The following LIMK1 variants were observed in gnomAD, a reference collection of about 807,000 sequenced individuals.
The protein encoded by LIMK1 is LIM domain kinase 1.
A neutral mutation model predicts 77.6 loss-of-function variants in LIMK1; 21 were observed. The observed-to-expected ratio is 0.27, with a 90% confidence interval of 0.19 to 0.39. The LOEUF is 0.39. Ranked by LOEUF, LIMK1 falls within the 10% of genes least tolerant of loss-of-function variation. The pLI is 1.00. For synonymous variants in LIMK1, 358 were observed against 370.0 expected (o/e 0.97, Z 0.37); for missense variants, 696 against 901.6 (o/e 0.77, Z 2.92).
chr7:74,119,227 G>A (rs1179314082), intron 13 of LIMK1, among the ~76,000 whole-genome samples: 1 of 141,362 alleles, frequency 7.1e-6, no homozygotes, highest in Non-Finnish European at 1.5e-5. Flanking sequence ...CACCCAGGCT[G>A]GAGTACAGTG....
intron 5 of LIMK1, among the ~76,000 whole-genome samples, chr7:74,101,039 A>C (rs1226923695): frequency 2.0e-5 from 3 of 146,686 alleles, no homozygotes; most frequent in Non-Finnish European, 4.4e-5. Context: ...GCCCGGCCCT[A>C]CCAAGTGCTA....
chr7:74,111,721 G>T lies in LIMK1; in HGVS notation c.1344+14G>T. On this transcript the variant is annotated intron_variant, in intron 11 of 15. Coordinates refer to ENST00000336180, the MANE Select transcript of LIMK1 (RefSeq NM_002314.4). ...GCATCAGGGATGGTGAGTGAGCCGG[G>T]TGCTCTAGCTCCATTCATAATCCCA... 1.9e-6 allele frequency: 3 copies of T among 1,610,678 alleles called. No homozygotes were observed.
chr7:74,107,657 G>C (rs1799603861), intron 8 of LIMK1, among the ~76,000 whole-genome samples: 1 of 148,466 alleles, frequency 6.7e-6, no homozygotes, highest in African/African-American at 2.5e-5. Context: ...TCCAGCCTGG[G>C]CAATAGAGCA....
intron 5 of LIMK1, among the ~76,000 whole-genome samples, chr7:74,101,708 G>A (rs1554696587): frequency 6.6e-6 from 1 of 151,994 alleles, no homozygotes; most frequent in Non-Finnish European, 1.5e-5. Context: ...GTATAGCAGC[G>A]TTTTAAGGAA....
At chr7:74,098,912 C>CAAAAA (rs34911416) in intron 4 of LIMK1, 120 bp from the exon 5 acceptor site, 2 of 586,348 alleles carry the variant, frequency 3.4e-6, no homozygotes, top group Non-Finnish European at 2.8e-6. Context: ...GACTCCATCT[C>CAAAAA]AAAAAAAAAA....
chr7:74,097,723 G>T lies in LIMK1; in HGVS notation c.401+534G>T, dbSNP rs1799364296. Among the ~76,000 whole-genome samples, 5 of 152,178 alleles carry T rather than the reference G, an allele frequency of 3.3e-5. No individual in the cohort carries two copies. In the South Asian group the frequency reaches 1.0e-3, roughly 31 times the overall value. ...AGCTTTCTTACTGGCCATGACTGCA[G>T]CATGGTGCTGGCACAAACCACCAGA... is the stretch of plus-strand genomic sequence containing the variant. On this transcript the variant is annotated intron_variant, in intron 4 of 15. Transcript: ENST00000336180.
chr7:74,111,336 G>A (rs1468718538), intron 10 of LIMK1: 2 of 360,154 alleles, frequency 5.6e-6, no homozygotes, highest in Non-Finnish European at 5.2e-6. Flanking sequence ...TACTCAGGAG[G>A]CTGAGACACA....
At chr7:74,087,979 C>A (rs1799163974) in intron 2 of LIMK1, among the ~76,000 whole-genome samples, 1 of 151,952 alleles carries the variant, frequency 6.6e-6, no homozygotes, top group Non-Finnish European at 1.5e-5. Flanking sequence ...GAGATCATAG[C>A]CCACTGTAGC....
At chr7:74,099,911 G>A (rs1799421178) in intron 5 of LIMK1, among the ~76,000 whole-genome samples, 1 of 148,926 alleles carries the variant, frequency 6.7e-6, no homozygotes, top group Non-Finnish European at 1.5e-5. Context: ...CTTAAGGCCA[G>A]AAGTTTGAGA....
intron 5 of LIMK1, among the ~76,000 whole-genome samples, chr7:74,101,801 C>CATATATATATATATATATAT (rs10552134): frequency 6.8e-6 from 1 of 146,114 alleles, no homozygotes; most frequent in African/African-American, 2.5e-5. Context: ...ATATGTATGT[C>CATATATATATATATATATAT]ATATATATAT....
chr7:74,114,992 G>A (rs1385528309), intron 12 of LIMK1, among the ~76,000 whole-genome samples: 1 of 151,880 alleles, frequency 6.6e-6, no homozygotes. Flanking sequence ...GAAAGGCTGA[G>A]GCAGGTGGAC....
chr7:74,116,869 TTTTTTTA>T lies in LIMK1; in HGVS notation c.1567+932_1567+938del, dbSNP rs1326435769. ...GGCATGCAACACCACACCCAGCTAA[TTTTTTTA>T]TTTTTTATTTTTTATTTTTTTTTGA... is the stretch of plus-strand genomic sequence containing the variant. On this transcript the variant is annotated intron_variant, in intron 13 of 15. Transcript: ENST00000336180. Among the ~76,000 whole-genome samples the T allele has an allele frequency of 3.8e-4, 58 of 151,804 alleles. No individual in the cohort carries two copies. In the Middle Eastern group the frequency reaches 0.034, roughly 90 times the overall value.
At chr7:74,095,316 G>A (rs1314919892) in intron 2 of LIMK1, among the ~76,000 whole-genome samples, 1 of 152,194 alleles carries the variant, frequency 6.6e-6, no homozygotes, top group Non-Finnish European at 1.5e-5. Context: ...TGTTCTCTGT[G>A]TGGGTCTGTA....
At chr7:74,108,432 G>A (rs1799626784) in intron 9 of LIMK1, among the ~76,000 whole-genome samples, 1 of 152,050 alleles carries the variant, frequency 6.6e-6, no homozygotes, top group Non-Finnish European at 1.5e-5. Flanking sequence ...ATCACCTGAG[G>A]TCAGGAGTTC....
chr7:74,119,190 TG>T (rs1799882687), intron 13 of LIMK1, among the ~76,000 whole-genome samples: 1 of 135,870 alleles, frequency 7.4e-6, no homozygotes. Flanking sequence ...GCCAGTTTTT[TG>T]TTTTTGAGAT....
At chr7:74,114,480 A>T (rs963636662) in intron 12 of LIMK1, among the ~76,000 whole-genome samples, 3 of 149,780 alleles carry the variant, frequency 2.0e-5, no homozygotes, top group African/African-American at 7.4e-5. Flanking sequence ...GAGCCTGGGA[A>T]GTTGAGGCTG....
rs782664768 is a variant in LIMK1 at position 74,121,042 on chromosome 7, G to A, written c.1774G>A (p.Glu592Lys). The part of the protein sequence containing the change: ...ITVRCCDLDP[E>K]KRPSFVKLEH... ...CGTGCGCTGTTGCGATCTGGACCCC[G>A]AGAAGAGGTGAGTGGGGTGGGGCCC... The change falls in exon 15 of 16, where the codon GAG becomes AAG. Residue 592 changes from glutamate (E) to lysine (K), a missense_variant. This residue lies in a region of LIMK1 where 438 missense variants were observed against 602.3 expected (regional missense o/e 0.73). Transcript: ENST00000336180. 4.4e-6 allele frequency: 7 copies of A among 1,595,406 alleles called. No individual in the cohort carries two copies. The highest frequency in any genetic ancestry group is 1.1e-5 in the South Asian group (1 of 88,706).
chr7:74,109,931 G>C (rs1322358552), intron 10 of LIMK1: 7 of 152,254 alleles, frequency 4.6e-5, no homozygotes, highest in African/African-American at 1.7e-4. Flanking sequence ...CCCCATTTCT[G>C]TACCACCCTG....
chr7:74,116,066 T>G, intron 13 of LIMK1, 108 bp downstream of exon 13: 1 of 1,199,414 alleles, frequency 8.3e-7, no homozygotes, highest in East Asian at 2.5e-5. Flanking sequence ...CCTTGGCTCT[T>G]CAGTTACCCT....
Sources: allele counts gnomAD v4.1 joint callset (sites outside exome capture counted in the v4.1 genomes callset), GRCh38; gene constraint gnomAD v4.1.1; regional missense constraint gnomAD v4.1.1; transcripts MANE v1.5; gene names NCBI Gene and HGNC (gene_info 2026-07-23, HGNC 2026-07-21).